Variants in SFSWAP observed in about 807,000 individuals in gnomAD.
SFSWAP encodes splicing factor SWAP.
In SFSWAP, 17 loss-of-function variants were observed where a neutral mutation model predicts 100.7. The observed-to-expected ratio is 0.17, with a 90% CI of 0.12 to 0.25. SFSWAP has a LOEUF of 0.25. SFSWAP is among the 10% of genes least tolerant of loss of function. The pLI is 1.00. For synonymous variants in SFSWAP, 504 were observed against 510.1 expected (o/e 0.99, Z 0.16); for missense variants, 1,005 against 1,262.6 (o/e 0.80, Z 3.09).
At chr12:131,759,293 G>GT (rs1170184134) in intron 11 of SFSWAP, among the ~76,000 whole-genome samples, 5 of 152,102 alleles carry the variant, frequency 3.3e-5, no homozygotes, top group East Asian at 3.8e-4. Context: ...AAAATAATTG[G>GT]TTAGTGAAAT....
intron 14 of SFSWAP, among the ~76,000 whole-genome samples, chr12:131,781,529 G>A (rs981204607): frequency 2.6e-5 from 4 of 152,050 alleles, no homozygotes; most frequent in Non-Finnish European, 4.4e-5. Context: ...GAGCCACCGC[G>A]CCCGGCCTAT....
chr12:131,752,936 G>A (rs968746444), intron 7 of SFSWAP, among the ~76,000 whole-genome samples, 187 bp from the exon 8 acceptor site: 3 of 152,184 alleles, frequency 2.0e-5, no homozygotes, highest in Non-Finnish European at 4.4e-5. Context: ...GGCTTTGCCT[G>A]GTTCTTTTAA....
intron 1 of SFSWAP, chr12:131,712,315 T>G (rs1877446718): frequency 6.6e-6 from 1 of 152,256 alleles, no homozygotes; most frequent in Admixed American, 6.5e-5. Flanking sequence ...AAGGATAACA[T>G]TACATGATGT....
At chr12:131,739,292 T>A (rs1455818155) in intron 7 of SFSWAP, among the ~76,000 whole-genome samples, 1 of 152,204 alleles carries the variant, frequency 6.6e-6, no homozygotes, top group East Asian at 1.9e-4. Flanking sequence ...GTATTACCAG[T>A]GACTGAGCAG....
chr12:131,762,884 C>T (rs1396656314), intron 11 of SFSWAP, among the ~76,000 whole-genome samples: 18 of 152,208 alleles, frequency 1.2e-4, no homozygotes. Context: ...CAGGCGTAAG[C>T]CACTGCACCC....
chr12:131,726,211 T>C (rs1297711362), intron 5 of SFSWAP, among the ~76,000 whole-genome samples: 1 of 152,160 alleles, frequency 6.6e-6, no homozygotes, highest in Non-Finnish European at 1.5e-5. Context: ...AATTTTTTTT[T>C]TTTTAATTGG....
chr12:131,711,426 A>G lies in SFSWAP; in HGVS notation c.197A>G (p.Asp66Gly), dbSNP rs752308024. ...CAGCACCTCATCCCCTGGATGGGGG[A>G]CCACAAGATCCTCATCGACAGGTCG... ...QGQHLIPWMG[D>G]HKILIDRYDG... The change falls in exon 1 of 18, where the codon GAC becomes GGC. Residue 66 changes from aspartate to glycine, a missense_variant. By Grantham distance (94) the Asp-to-Gly change is moderately conservative (BLOSUM62 -1). This residue lies in a region of SFSWAP where 237 missense variants were observed against 337.0 expected (regional missense o/e 0.70). Coordinates refer to ENST00000261674, the MANE Select transcript of SFSWAP (RefSeq NM_004592.4). The surrounding 1 kb of genome is among the most constrained non-coding windows in gnomAD (Gnocchi z 4.9). The G allele has an allele frequency of 6.2e-7, 1 of 1,613,032 alleles. No homozygotes were observed.
chr12:131,774,185 G>A (rs956228095), intron 13 of SFSWAP, among the ~76,000 whole-genome samples: 4 of 152,212 alleles, frequency 2.6e-5, no homozygotes, highest in African/African-American at 9.6e-5. Flanking sequence ...GGCAGGACGT[G>A]GTAGGGCAGT....
intron 14 of SFSWAP, among the ~76,000 whole-genome samples, chr12:131,780,103 C>G (rs1459778613): frequency 6.6e-6 from 1 of 152,148 alleles, no homozygotes; most frequent in Non-Finnish European, 1.5e-5. Flanking sequence ...CTTATTTTTA[C>G]CCTGGCCAAC....
At chr12:131,752,593 C>T (rs1286964946) in intron 7 of SFSWAP, among the ~76,000 whole-genome samples, 13 of 152,190 alleles carry the variant, frequency 8.5e-5, no homozygotes, top group South Asian at 4.1e-4. Context: ...CGGGGGCTGA[C>T]GCCAGGGTTG....
rs767758310 is a variant in SFSWAP, at chr12:131,778,081, C to T, written c.2159C>T (p.Pro720Leu). 1.2e-6 allele frequency: 2 copies of T among 1,611,980 alleles called. No homozygotes were observed. The highest frequency in any genetic ancestry group is 1.7e-6 in the Non-Finnish European group (2 of 1,179,520). Residue 720 changes from proline to leucine, a missense_variant, in exon 14 of 18, where the codon CCC becomes CTC. Pro to Leu is a moderately conservative substitution (Grantham distance 98). Transcript: ENST00000261674. The surrounding 1 kb of genome is among the most constrained non-coding windows in gnomAD (Gnocchi z 4.2). The stretch of plus-strand genomic sequence containing the variant: ...TATTCTTAGGAATCCAGCACTACGC[C>T]CTGCCCTCTACTGACTGGAGGCAGG... Reference protein sequence around the residue: ...PFSVEESSTTPCPLLTGGRPL... With the variant: ...PFSVEESSTTLCPLLTGGRPL...
Position 131,728,205 on chromosome 12 carries a change from T to G in SFSWAP, c.946-88T>G, listed in dbSNP as rs1879168956. On this transcript the variant is annotated intron_variant, in intron 6 of 17. Coordinates refer to ENST00000261674, the MANE Select transcript of SFSWAP (RefSeq NM_004592.4). ...TGTGTTTTTTCTAAGGCATGTACACTGAGTCCTAAAGGTGAGCCTTTTGCA... is the reference window on the plus strand; with the variant it reads ...TGTGTTTTTTCTAAGGCATGTACACGGAGTCCTAAAGGTGAGCCTTTTGCA... 5 of 1,476,768 alleles carry G rather than the reference T, an allele frequency of 3.4e-6. No individual in the cohort carries two copies. In the East Asian group the frequency reaches 6.8e-5, roughly 20 times the overall value. 91.5% of individuals were successfully genotyped at this position (1,476,768 alleles called of 1,614,324 possible). A position where few individuals can be genotyped will look rare whatever the true frequency, so the allele number is the denominator to read the frequency against.
At position 131,740,966 on chromosome 12, in the gene SFSWAP, C is replaced by CTTTTTTTT. The variant is rs60047663; in HGVS notation, c.1082-12140_1082-12133dup. Among the ~76,000 whole-genome samples the CTTTTTTTT allele has an allele frequency of 8.2e-3, 579 of 70,186 alleles. 1 individual carries two copies. Among genetic ancestry groups the CTTTTTTTT allele is most frequent in the East Asian group, 0.018 (35 of 1,972 alleles). The allele number at this position is 70,186 out of a possible 152,430, so 46.0% of individuals were successfully genotyped here. The stretch of plus-strand genomic sequence containing the variant: ...TCATTTCTTTTTTTTTCTTTTTTTT[C>CTTTTTTTT]TTTTTTTTTTTTTTTTTTTTTTTTG... On this transcript the variant is annotated intron_variant, in intron 7 of 17. Transcript: ENST00000261674.
intron 11 of SFSWAP, among the ~76,000 whole-genome samples, chr12:131,762,851 G>T (rs1882791005): frequency 6.6e-6 from 1 of 152,094 alleles, no homozygotes; most frequent in Admixed American, 6.5e-5. Context: ...TACCTGCCTT[G>T]GCCTCCCAAA....
At chr12:131,797,627 A>G (rs559238054) in intron 16 of SFSWAP, among the ~76,000 whole-genome samples, 6 of 152,354 alleles carry the variant, frequency 3.9e-5, no homozygotes, top group African/African-American at 7.2e-5. Context: ...AAGCAGCCCA[A>G]GTGTCACACA....
At position 131,733,314 on chromosome 12, in the gene SFSWAP, T is replaced by G. The variant is rs1879687882; in HGVS notation, c.1081+4886T>G. ...CCTCCTCCTCCCATTCCTGACCTGT[T>G]GAGCCAGGGGTGGATTGGCAGGCCT... On this transcript the variant is annotated intron_variant, in intron 7 of 17. Coordinates refer to ENST00000261674, the MANE Select transcript of SFSWAP (RefSeq NM_004592.4). This position sits in a 1 kb window ranked among gnomAD's most constrained non-coding sequence, Gnocchi z 5.1. Among the ~76,000 whole-genome samples the G allele has an allele frequency of 6.6e-6, 1 of 152,226 alleles. No individual in the cohort carries two copies. The highest frequency in any genetic ancestry group is 1.5e-5 in the Non-Finnish European group (1 of 68,036).
In SFSWAP at chr12:131,714,287, T is replaced by C. The variant is rs1343550197; in HGVS notation, c.388+47T>C. On this transcript the variant is annotated intron_variant, in intron 2 of 17. Coordinates refer to ENST00000261674, the MANE Select transcript of SFSWAP (RefSeq NM_004592.4). This position sits in a 1 kb window ranked among gnomAD's most constrained non-coding sequence, Gnocchi z 6.0. ...CTTCAGCAACAAACTTTTTAAAATT[T>C]TTAAGTATTTAAAAATTTACTCCCA... The C allele has an allele frequency of 1.3e-6, 2 of 1,499,946 alleles. No individual in the cohort carries two copies. Among genetic ancestry groups the C allele is most frequent in the Non-Finnish European group, 1.8e-6 (2 of 1,109,088 alleles). 92.9% of individuals were successfully genotyped at this position (1,499,946 alleles called of 1,614,324 possible).
intron 7 of SFSWAP, among the ~76,000 whole-genome samples, chr12:131,746,311 C>T (rs1315240227): frequency 6.6e-6 from 1 of 152,176 alleles, no homozygotes; most frequent in African/African-American, 2.4e-5. Flanking sequence ...TAGCTGAGGA[C>T]CTACAGCGTT....
At position 131,733,764 on chromosome 12, in the gene SFSWAP, G is replaced by A. The variant is rs532049509; in HGVS notation, c.1081+5336G>A. On this transcript the variant is annotated intron_variant, in intron 7 of 17. Transcript: ENST00000261674. This position sits in a 1 kb window ranked among gnomAD's most constrained non-coding sequence, Gnocchi z 5.1. ...TTGGTGAGGTGGGGGACAGGCAGGG[G>A]TGGGCCCCGAGGTGTGCAGAGTGTG... Among the ~76,000 whole-genome samples, 2 of 152,176 alleles carry A rather than the reference G, an allele frequency of 1.3e-5. No individual in the cohort carries two copies. The highest frequency in any genetic ancestry group is 2.4e-5 in the African/African-American group (1 of 41,526).
Sources: gnomAD v4.1 joint callset for allele counts (sites outside exome capture counted in the v4.1 genomes callset) on GRCh38, gnomAD v4.1.1 for gene constraint, gnomAD v4.1.1 regional missense constraint, Gnocchi (gnomAD v3.1) non-coding constraint, MANE v1.5 for transcripts, NCBI Gene and HGNC (gene_info 2026-07-23, HGNC 2026-07-21) for gene names.